PLEKHA6: variants seen among roughly 807,000 people sequenced by gnomAD.
PLEKHA6 encodes pleckstrin homology domain-containing family A member 6.
In PLEKHA6, 60 loss-of-function variants were observed where a neutral mutation model predicts 116.7. The observed-to-expected ratio is 0.51, with a 90% CI of 0.42 to 0.64. The LOEUF (loss-of-function observed/expected upper bound fraction) is 0.64, where lower values mean the gene tolerates loss of function less well. Ranked by LOEUF, PLEKHA6 falls within the 30% of genes least tolerant of loss-of-function variation. The pLI is 0.00. For synonymous variants in PLEKHA6, 489 were observed against 556.1 expected (o/e 0.88, Z 1.70); for missense variants, 1,338 against 1,422.7 (o/e 0.94, Z 0.96).
chr1:204,221,625 G>C lies in PLEKHA6; in HGVS notation c.*1163C>G, dbSNP rs779928030. On this transcript the variant is annotated 3_prime_UTR_variant, in exon 23 of 23. Coordinates refer to ENST00000272203, the MANE Select transcript of PLEKHA6 (RefSeq NM_014935.5). Reference sequence around the variant, plus strand: ...AGCTGGCCCACTGCACATTCCAGGGGGAACAGGGCAAGAAATATCATGGAA... The same window carrying C: ...AGCTGGCCCACTGCACATTCCAGGGCGAACAGGGCAAGAAATATCATGGAA... The C allele has an allele frequency of 2.0e-5, 3 of 152,462 alleles. No individual in the cohort carries two copies. Among genetic ancestry groups the C allele is most frequent in the Admixed American group, 1.3e-4 (2 of 15,288 alleles). 9.4% of individuals were successfully genotyped at this position (152,462 alleles called of 1,614,324 possible).
chr1:204,348,760 TC>T (rs1293608368), intron 1 of PLEKHA6, among the ~76,000 whole-genome samples: 4 of 125,876 alleles, frequency 3.2e-5, no homozygotes, highest in Non-Finnish European at 4.7e-5. Flanking sequence ...TAGCCTGTGC[TC>T]AAGGCCACAC....
chr1:204,345,343 C>A (rs4245731), intron 1 of PLEKHA6, among the ~76,000 whole-genome samples: 2 of 151,738 alleles, frequency 1.3e-5, no homozygotes, highest in Admixed American at 6.6e-5. Flanking sequence ...ACAAGGAGGC[C>A]AGGACAGCTT....
chr1:204,288,466 G>T (rs4525099), intron 1 of PLEKHA6, among the ~76,000 whole-genome samples: 2,024 of 152,344 alleles, frequency 0.013, 46 homozygotes, highest in African/African-American at 0.046. Context: ...GCTCTGGCAC[G>T]ATGCCCAATT....
At chr1:204,349,717 T>C (rs1193390512) in intron 1 of PLEKHA6, among the ~76,000 whole-genome samples, 1 of 152,150 alleles carries the variant, frequency 6.6e-6, no homozygotes, top group Non-Finnish European at 1.5e-5. Flanking sequence ...CTTCTCAGTC[T>C]CGTTGACTTC....
chr1:204,313,992 A>C (rs1671760300), intron 1 of PLEKHA6, among the ~76,000 whole-genome samples: 1 of 152,122 alleles, frequency 6.6e-6, no homozygotes, highest in Admixed American at 6.5e-5. Context: ...TACTATTCCC[A>C]TATAGCACAA....
intron 1 of PLEKHA6, among the ~76,000 whole-genome samples, chr1:204,286,786 C>T (rs1018921473): frequency 1.3e-5 from 2 of 152,122 alleles, no homozygotes; most frequent in Non-Finnish European, 2.9e-5. Context: ...ACATTTGTGG[C>T]TGACTCTCAA....
chr1:204,308,360 T>C (rs554769538), intron 1 of PLEKHA6, among the ~76,000 whole-genome samples: 1 of 152,200 alleles, frequency 6.6e-6, no homozygotes, highest in Non-Finnish European at 1.5e-5. Context: ...CAGTGAGCTA[T>C]GATCCTATGA....
chr1:204,344,932 T>A (rs1672978921), intron 1 of PLEKHA6, among the ~76,000 whole-genome samples: 1 of 151,868 alleles, frequency 6.6e-6, no homozygotes, highest in Admixed American at 6.6e-5. Context: ...ATAACCAGAG[T>A]TCCCGCACCT....
In PLEKHA6 at chr1:204,303,914, C is replaced by T. The variant is rs183849581; in HGVS notation, c.-94-29105G>A. Among the ~76,000 whole-genome samples, 237 of 152,140 alleles carry T rather than the reference C, an allele frequency of 1.6e-3. 1 individual carries two copies. The highest frequency in any genetic ancestry group is 2.1e-3 in the Non-Finnish European group (142 of 68,006). On this transcript the variant is annotated intron_variant, in intron 1 of 22. Transcript: ENST00000272203. ...TTTTTTTGTAGAGACGGGATTTCACCGTGTTGCCCAGGCTTGTCTTGAACT... is the reference window on the plus strand; with the variant it reads ...TTTTTTTGTAGAGACGGGATTTCACTGTGTTGCCCAGGCTTGTCTTGAACT...
chr1:204,290,392 T>C (rs1172552438), intron 1 of PLEKHA6, among the ~76,000 whole-genome samples: 4 of 152,330 alleles, frequency 2.6e-5, no homozygotes, highest in South Asian at 2.1e-4. Context: ...TTTTGGTCAA[T>C]TGGTTTTTGA....
At chr1:204,269,717 T>C (rs902055640) in intron 3 of PLEKHA6, among the ~76,000 whole-genome samples, 6 of 152,150 alleles carry the variant, frequency 3.9e-5, no homozygotes, top group African/African-American at 1.2e-4. Context: ...CCCTCCAATG[T>C]CAAAAGAAGA....
At chr1:204,240,392 G>T (rs1481168595) in intron 17 of PLEKHA6, among the ~76,000 whole-genome samples, 1 of 152,252 alleles carries the variant, frequency 6.6e-6, no homozygotes, top group Non-Finnish European at 1.5e-5. Context: ...ATCAATATCT[G>T]CTATGACCAC....
Position 204,267,370 on chromosome 1 carries a change from C to T in PLEKHA6, c.280+105G>A, listed in dbSNP as rs1666946066. On this transcript the variant is annotated intron_variant, in intron 5 of 22. Transcript: ENST00000272203. ...CCAGGACCACAGTGAGGAGATCTGCCCTGCTGGTGCCCATCCAAAGCCAAG... is the reference window on the plus strand; with the variant it reads ...CCAGGACCACAGTGAGGAGATCTGCTCTGCTGGTGCCCATCCAAAGCCAAG... 10 of 900,868 alleles carry T rather than the reference C, an allele frequency of 1.1e-5. No homozygotes were observed. The South Asian group carries it at 1.4e-4, about 12-fold the overall frequency. 55.8% of individuals were successfully genotyped at this position (900,868 alleles called of 1,614,324 possible).
chr1:204,258,375 C>CA (rs1665643177), intron 8 of PLEKHA6, among the ~76,000 whole-genome samples: 1 of 152,214 alleles, frequency 6.6e-6, no homozygotes, highest in Non-Finnish European at 1.5e-5. Context: ...GCAATCCTCC[C>CA]ACATCCACCT....
rs778585786 is a variant in PLEKHA6, at chr1:204,267,567, C to T, written c.208-20G>A. The stretch of plus-strand genomic sequence containing the variant: ...GCTGGCCTGCGGGACATGGGAGAGG[C>T]AGATGTGAGGGCTGCAAGCTGGACG... On this transcript the variant is annotated intron_variant, in intron 4 of 22. Coordinates refer to ENST00000272203, the MANE Select transcript of PLEKHA6 (RefSeq NM_014935.5). The T allele has an allele frequency of 5.0e-6, 8 of 1,609,856 alleles. No individual in the cohort carries two copies. The highest frequency in any genetic ancestry group is 6.8e-6 in the Non-Finnish European group (8 of 1,176,306).
At position 204,230,452 on chromosome 1, in the gene PLEKHA6, G is replaced by A; in HGVS notation, c.2544C>T (p.Ser848=). ...GCCGGGGACTGGGGTCGGGGGCCGG[G>A]CTGGCCGGGAGCTGCAGGCTCCTCC... ...EKRRSLQLPA[S]PAPDPSPRPA... is the part of the protein sequence containing the mutation. Residue 848 remains serine, a synonymous_variant, in exon 18 of 23, where the codon AGC becomes AGT. Coordinates refer to ENST00000272203, the MANE Select transcript of PLEKHA6 (RefSeq NM_014935.5). 6.3e-7 allele frequency: 1 copy of A among 1,583,612 alleles called. No homozygotes were observed. Among genetic ancestry groups the A allele is most frequent in the Admixed American group, 1.8e-5 (1 of 54,906 alleles).
At chr1:204,230,709 C>A in intron 17 of PLEKHA6, 123 bp from the exon 18 acceptor site, 1 of 772,782 alleles carries the variant, frequency 1.3e-6, no homozygotes, top group Non-Finnish European at 2.0e-6. Context: ...AGAGTGGTCC[C>A]CAAAAGATAT....
At position 204,238,426 on chromosome 1, in the gene PLEKHA6, C is replaced by T. The variant is rs1169683258; in HGVS notation, c.2409+2949G>A. Among the ~76,000 whole-genome samples, 2 of 152,154 alleles carry T rather than the reference C, an allele frequency of 1.3e-5. No homozygotes were observed. Among genetic ancestry groups the T allele is most frequent in the African/African-American group, 4.8e-5 (2 of 41,428 alleles). On this transcript the variant is annotated intron_variant, in intron 17 of 22. Coordinates refer to ENST00000272203, the MANE Select transcript of PLEKHA6 (RefSeq NM_014935.5). This position sits in a 1 kb window ranked among gnomAD's most constrained non-coding sequence, Gnocchi z 4.2. Reference sequence around the variant, plus strand: ...AGACACCTGTTGGTCTGTTACTGGGCTTTGGTGGAAACTGAACGTTTGACT... The same window carrying T: ...AGACACCTGTTGGTCTGTTACTGGGTTTTGGTGGAAACTGAACGTTTGACT...
chr1:204,255,685 C>T (rs1261686148), intron 9 of PLEKHA6: 6 of 702,764 alleles, frequency 8.5e-6, no homozygotes, highest in Non-Finnish European at 1.6e-5. Context: ...TCATCCTACC[C>T]GGAGCCCGAG....
Sources: allele counts gnomAD v4.1 joint callset (sites outside exome capture counted in the v4.1 genomes callset), GRCh38; gene constraint gnomAD v4.1.1; non-coding constraint Gnocchi (gnomAD v3.1); transcripts MANE v1.5; gene names NCBI Gene and HGNC (gene_info 2026-07-23, HGNC 2026-07-21).